Variants in WDR59 observed in about 807,000 individuals in gnomAD.
The protein encoded by WDR59 is GATOR2 complex protein WDR59.
WDR59 carries 100 observed loss-of-function variants against 131.2 expected under a neutral mutation model. The observed-to-expected ratio is 0.76, with a 90% CI of 0.65 to 0.90. The LOEUF (loss-of-function observed/expected upper bound fraction) is 0.90, where lower values mean the gene tolerates loss of function less well. Ranked by LOEUF, WDR59 falls within the 40% of genes least tolerant of loss-of-function variation. The pLI, the probability that WDR59 is intolerant of heterozygous loss-of-function variation, is 0.00. For synonymous variants in WDR59, 601 were observed against 466.2 expected (o/e 1.29, Z -3.72); for missense variants, 1,203 against 1,262.2 (o/e 0.95, Z 0.71).
chr16:74,880,997 T>C (rs1964452092), intron 25 of WDR59, among the ~76,000 whole-genome samples: 1 of 152,236 alleles, frequency 6.6e-6, no homozygotes, highest in Non-Finnish European at 1.5e-5. Flanking sequence ...TGAGCAGATC[T>C]CTACCTCTAT....
chr16:74,880,410 G>A (rs1362092825), intron 25 of WDR59, among the ~76,000 whole-genome samples: 1 of 152,096 alleles, frequency 6.6e-6, no homozygotes, highest in Non-Finnish European at 1.5e-5. Context: ...TCGCGCCACT[G>A]CACTCCAGCC....
At position 74,980,922 on chromosome 16, in the gene WDR59, G is replaced by A. The variant is rs999793814; in HGVS notation, c.54+4042C>T. Among the ~76,000 whole-genome samples the A allele has an allele frequency of 1.2e-4, 18 of 151,726 alleles. No individual in the cohort carries two copies. In the South Asian group the frequency reaches 2.7e-3, roughly 23 times the overall value. On this transcript the variant is annotated intron_variant, in intron 1 of 25. Transcript: ENST00000262144. ...GGAGGTGACAGCGAGCTGAGATTGC[G>A]CCACTGCACTCCAGCCTGGGCAACA...
Position 74,946,785 on chromosome 16 carries a change from GC to G in WDR59, c.445+1733del, listed in dbSNP as rs2032668558. ...ACTTCACAAATCATATCATCCAGCT[GC>G]TAATACAGTCATGATGCTAAAGGCC... On this transcript the variant is annotated intron_variant, in intron 6 of 25. Transcript: ENST00000262144. 4.6e-5 allele frequency among the ~76,000 whole-genome samples: 7 copies of G among 152,210 alleles called. No individual in the cohort carries two copies. The South Asian group carries it at 1.5e-3, about 32-fold the overall frequency.
chr16:74,886,336 C>G lies in WDR59; in HGVS notation c.2480G>C (p.Arg827Pro). 1 of 1,613,962 alleles carries G rather than the reference C, an allele frequency of 6.2e-7. No individual in the cohort carries two copies. The highest frequency in any genetic ancestry group is 2.2e-5 in the East Asian group (1 of 44,870). Residue 827 changes from arginine (R) to proline (P), a missense_variant, in exon 24 of 26, where the codon CGC (arginine) becomes CCC (proline). Arg to Pro is a moderately radical substitution (Grantham distance 103, BLOSUM62 -2). Transcript: ENST00000262144. Reference sequence around the variant, plus strand: ...ATCACTGTAGGTCAGACTCCCAAAGCGGAGCTCTTCTGGTGAGGATTCTCC... The same window carrying G: ...ATCACTGTAGGTCAGACTCCCAAAGGGGAGCTCTTCTGGTGAGGATTCTCC... ...PWGESSPEEL[R>P]FGSLTYSDPR...
intron 2 of WDR59, chr16:74,963,032 G>T (rs1196021583): frequency 6.6e-6 from 1 of 152,174 alleles, no homozygotes; most frequent in Non-Finnish European, 1.5e-5. Context: ...GAGGTGGGTG[G>T]ATTGTCTGAG....
chr16:74,883,411 A>G (rs1253242403), intron 25 of WDR59, among the ~76,000 whole-genome samples: 1 of 152,074 alleles, frequency 6.6e-6, no homozygotes, highest in Non-Finnish European at 1.5e-5. Context: ...ACTTCCGACA[A>G]CAGTTCAGGG....
intron 25 of WDR59, among the ~76,000 whole-genome samples, chr16:74,879,346 G>A (rs1169594298): frequency 6.6e-6 from 1 of 152,156 alleles, no homozygotes; most frequent in African/African-American, 2.4e-5. Context: ...GACAGAGTGA[G>A]ACCCTGTCTC....
At chr16:74,937,213 T>C (rs969264917) in intron 8 of WDR59, among the ~76,000 whole-genome samples, 2 of 152,148 alleles carry the variant, frequency 1.3e-5, no homozygotes, top group Non-Finnish European at 2.9e-5. Context: ...CAAACAACAC[T>C]GTACCTTGTG....
rs1964019696 is a variant in WDR59 at position 74,872,031 on chromosome 16, G to C, written c.*2178C>G. ...GAAAATGTTTTGACTACAACTTTCAGTAAGAAATGAATTTACGCTATGATC... is the reference window on the plus strand; with the variant it reads ...GAAAATGTTTTGACTACAACTTTCACTAAGAAATGAATTTACGCTATGATC... On this transcript the variant is annotated 3_prime_UTR_variant, in exon 26 of 26. Coordinates refer to ENST00000262144, the MANE Select transcript of WDR59 (RefSeq NM_030581.4). The C allele has an allele frequency of 6.6e-6, 1 of 152,254 alleles. No individual in the cohort carries two copies. The highest frequency in any genetic ancestry group is 1.5e-5 in the Non-Finnish European group (1 of 68,052). 9.4% of individuals were successfully genotyped at this position (152,254 alleles called of 1,614,324 possible).
At chr16:74,940,264 A>G (rs2032110489) in intron 7 of WDR59, among the ~76,000 whole-genome samples, 1 of 151,862 alleles carries the variant, frequency 6.6e-6, no homozygotes, top group Admixed American at 6.6e-5. Flanking sequence ...CTGTAATCCC[A>G]GCTACTCGGG....
At chr16:74,942,183 G>A (rs1157525012) in intron 7 of WDR59, among the ~76,000 whole-genome samples, 1 of 152,172 alleles carries the variant, frequency 6.6e-6, no homozygotes, top group Non-Finnish European at 1.5e-5. Flanking sequence ...ATGGGCTGCT[G>A]CAGTAAGAAC....
At chr16:74,946,953 T>C (rs1052875509) in intron 6 of WDR59, among the ~76,000 whole-genome samples, 1 of 152,200 alleles carries the variant, frequency 6.6e-6, no homozygotes, top group Non-Finnish European at 1.5e-5. Context: ...CATGCTTTTA[T>C]AAAGGATGTC....
At chr16:74,974,677 G>A (rs905181573) in intron 1 of WDR59, among the ~76,000 whole-genome samples, 3 of 152,160 alleles carry the variant, frequency 2.0e-5, no homozygotes, top group African/African-American at 7.2e-5. Flanking sequence ...TTTACGCTGA[G>A]TGCCTACTTT....
chr16:74,966,882 G>C (rs2033797896), intron 1 of WDR59, among the ~76,000 whole-genome samples: 1 of 152,192 alleles, frequency 6.6e-6, no homozygotes. Context: ...TGAGTCCAAA[G>C]AATGTGCATT....
At position 74,923,096 on chromosome 16, in the gene WDR59, A is replaced by G. The variant is rs151238410; in HGVS notation, c.729+830T>C. On this transcript the variant is annotated intron_variant, in intron 9 of 25. Coordinates refer to ENST00000262144, the MANE Select transcript of WDR59 (RefSeq NM_030581.4). Reference sequence around the variant, plus strand: ...GCACATTCATATAAGTTATTTCAAAAGAAAGTCAGCTTGTGAACTACAGAA... The same window carrying G: ...GCACATTCATATAAGTTATTTCAAAGGAAAGTCAGCTTGTGAACTACAGAA... 1.4e-3 allele frequency among the ~76,000 whole-genome samples: 208 copies of G among 152,352 alleles called. 2 individuals carry two copies. The highest frequency in any genetic ancestry group is 4.8e-3 in the African/African-American group (199 of 41,586).
chr16:74,973,005 G>T (rs375230520), intron 1 of WDR59, among the ~76,000 whole-genome samples: 1 of 151,732 alleles, frequency 6.6e-6, no homozygotes, highest in African/African-American at 2.4e-5. Context: ...GGCCGAGGCG[G>T]GCAGATCACC....
rs1964039867 is a variant in WDR59 at position 74,873,037 on chromosome 16, G to A, written c.*1172C>T. ...CGATTCTCCTGTCTCAGCCTCCCCA[G>A]TACCTGGGATTACAGGCGCCCGCCA... On this transcript the variant is annotated 3_prime_UTR_variant, in exon 26 of 26. Coordinates refer to ENST00000262144, the MANE Select transcript of WDR59 (RefSeq NM_030581.4). 2 of 152,060 alleles carry A rather than the reference G, an allele frequency of 1.3e-5. No individual in the cohort carries two copies. The highest frequency in any genetic ancestry group is 4.8e-5 in the African/African-American group (2 of 41,378). The allele number at this position is 152,060 out of a possible 1,614,324, so 9.4% of individuals were successfully genotyped here.
chr16:74,982,218 G>C (rs1265682097), intron 1 of WDR59, among the ~76,000 whole-genome samples: 1 of 151,780 alleles, frequency 6.6e-6, no homozygotes, highest in Non-Finnish European at 1.5e-5. Flanking sequence ...AAGGCATTAT[G>C]AAGAGTTTTA....
chr16:74,970,161 T>C (rs945491276), intron 1 of WDR59, among the ~76,000 whole-genome samples: 2 of 152,100 alleles, frequency 1.3e-5, no homozygotes, highest in African/African-American at 4.8e-5. Context: ...CTTTCCCTAT[T>C]GTTAATTTTT....
Sources: gnomAD v4.1 joint callset for allele counts (sites outside exome capture counted in the v4.1 genomes callset) on GRCh38, gnomAD v4.1.1 for gene constraint, MANE v1.5 for transcripts, NCBI Gene and HGNC (gene_info 2026-07-23, HGNC 2026-07-21) for gene names.